The following KIRREL3 variants were observed in gnomAD, a reference collection of about 807,000 sequenced individuals.
The protein encoded by KIRREL3 is kin of IRRE-like protein 3.
KIRREL3 carries 36 observed loss-of-function variants against 89.7 expected under a neutral mutation model. The observed-to-expected ratio is 0.40, with a 90% confidence interval of 0.31 to 0.53. The LOEUF is 0.53. KIRREL3 is among the 20% of genes least tolerant of loss of function. KIRREL3 has a pLI of 0.49. For synonymous variants in KIRREL3, 445 were observed against 441.4 expected (o/e 1.01, Z -0.10); for missense variants, 864 against 1,056.6 (o/e 0.82, Z 2.53).
At chr11:126,846,807 AGTTAG>A (rs1944158716) in intron 1 of KIRREL3, among the ~76,000 whole-genome samples, 1 of 152,218 alleles carries the variant, frequency 6.6e-6, no homozygotes, top group Admixed American at 6.5e-5. Context: ...GATTGTTTTA[AGTTAG>A]ATAAGATAAA....
intron 1 of KIRREL3, among the ~76,000 whole-genome samples, chr11:126,882,695 C>T (rs1171325301): frequency 1.3e-5 from 2 of 152,196 alleles, no homozygotes; most frequent in East Asian, 1.9e-4. Flanking sequence ...TTCTCGACTG[C>T]CTAAAGTGCA....
chr11:126,510,469 C>CTTCCTTCCTTCCTTCCTTCCTT (rs1439371645), intron 4 of KIRREL3, among the ~76,000 whole-genome samples: 1 of 117,136 alleles, frequency 8.5e-6, no homozygotes, highest in African/African-American at 2.8e-5. Flanking sequence ...TCCTTCCTTC[C>CTTCCTTCCTTCCTTCCTTCCTT]TTTTTTTTGA....
intron 1 of KIRREL3, among the ~76,000 whole-genome samples, chr11:126,839,887 G>T (rs1943906065): frequency 6.6e-6 from 1 of 152,144 alleles, no homozygotes; most frequent in African/African-American, 2.4e-5. Context: ...CAAAATGCAA[G>T]CTGTCATGAA....
At chr11:126,648,706 G>C (rs1197253184) in intron 1 of KIRREL3, among the ~76,000 whole-genome samples, 1 of 152,180 alleles carries the variant, frequency 6.6e-6, no homozygotes, top group African/African-American at 2.4e-5. Context: ...TGTAATGAGT[G>C]CATGTAATAA....
In KIRREL3 at chr11:126,473,401, T is replaced by A; in HGVS notation, c.499A>T (p.Asn167Tyr). ...VISLRAGDPL[N>Y]LTCHADNAKP... The stretch of plus-strand genomic sequence containing the variant: ...GCATTGTCTGCGTGGCAGGTGAGGT[T>A]GAGAGGGTCCCCCGCACGCAGGCTG... The change falls in exon 5 of 17, where the codon AAC (asparagine) becomes TAC (tyrosine). Residue 167 changes from asparagine (N) to tyrosine (Y), a missense_variant. Coordinates refer to ENST00000525144, the MANE Select transcript of KIRREL3 (RefSeq NM_032531.4). 6.3e-7 allele frequency: 1 copy of A among 1,589,706 alleles called. No homozygotes were observed. Among genetic ancestry groups the A allele is most frequent in the Non-Finnish European group, 8.6e-7 (1 of 1,167,556 alleles).
chr11:126,533,808 C>A (rs189088197), intron 2 of KIRREL3, among the ~76,000 whole-genome samples: 179 of 152,302 alleles, frequency 1.2e-3, no homozygotes, highest in African/African-American at 4.2e-3. Flanking sequence ...ATAATACCAC[C>A]ACCTTGTGGA....
rs1943137950 is a variant in KIRREL3, at chr11:126,611,729, A to G, written c.56-48817T>C. On this transcript the variant is annotated intron_variant, in intron 1 of 16. Coordinates refer to ENST00000525144, the MANE Select transcript of KIRREL3 (RefSeq NM_032531.4). The surrounding 1 kb of genome is among the most constrained non-coding windows in gnomAD (Gnocchi z 4.7). ...GAGTCTTTTTCTGGCTGCCAAGAAC[A>G]TGGTAGCCTCCCAGAGGCTGTTGGC... is the stretch of plus-strand genomic sequence containing the variant. Among the ~76,000 whole-genome samples, 2 of 152,168 alleles carry G rather than the reference A, an allele frequency of 1.3e-5. No individual in the cohort carries two copies. The highest frequency in any genetic ancestry group is 4.8e-5 in the African/African-American group (2 of 41,436).
Position 126,566,084 on chromosome 11 carries a change from G to C in KIRREL3, c.56-3172C>G, listed in dbSNP as rs574874295. On this transcript the variant is annotated intron_variant, in intron 1 of 16. Transcript: ENST00000525144. The surrounding 1 kb of genome is among the most constrained non-coding windows in gnomAD (Gnocchi z 4.9). ...TCTCCAAGTAGGCTTTGGGGGTGCTGTCTTTGGCTTTATCAGTAGCAGAAA... is the reference window on the plus strand; with the variant it reads ...TCTCCAAGTAGGCTTTGGGGGTGCTCTCTTTGGCTTTATCAGTAGCAGAAA... 1.3e-5 allele frequency among the ~76,000 whole-genome samples: 2 copies of C among 152,134 alleles called. No homozygotes were observed. Among genetic ancestry groups the C allele is most frequent in the Non-Finnish European group, 2.9e-5 (2 of 68,024 alleles).
At chr11:126,785,454 CA>C (rs1950458127) in intron 1 of KIRREL3, among the ~76,000 whole-genome samples, 1 of 152,046 alleles carries the variant, frequency 6.6e-6, no homozygotes, top group African/African-American at 2.4e-5. Flanking sequence ...TGAAGCGTTC[CA>C]GGGGAGTGGG....
rs554105813 is a variant in KIRREL3, at chr11:126,627,538, C to G, written c.56-64626G>C. ...AGCAGCCTCCCTGGCTCCATGGTGACTGACGCTGCCAGTCCAGCTGCCATG... is the reference window on the plus strand; with the variant it reads ...AGCAGCCTCCCTGGCTCCATGGTGAGTGACGCTGCCAGTCCAGCTGCCATG... On this transcript the variant is annotated intron_variant, in intron 1 of 16. Transcript: ENST00000525144. The surrounding 1 kb of genome is among the most constrained non-coding windows in gnomAD (Gnocchi z 5.0). 6.6e-6 allele frequency among the ~76,000 whole-genome samples: 1 copy of G among 152,334 alleles called. No individual in the cohort carries two copies. The highest frequency in any genetic ancestry group is 1.9e-4 in the East Asian group (1 of 5,182).
At chr11:126,706,964 G>T in intron 1 of KIRREL3, among the ~76,000 whole-genome samples, 1 of 148,714 alleles carries the variant, frequency 6.7e-6, no homozygotes. Flanking sequence ...TTTAAGAGAT[G>T]GGGTCTCACT....
chr11:126,584,078 G>A (rs1427050065), intron 1 of KIRREL3, among the ~76,000 whole-genome samples: 1 of 152,182 alleles, frequency 6.6e-6, no homozygotes, highest in Non-Finnish European at 1.5e-5. Flanking sequence ...CTGCCCCTCA[G>A]GACTTCCAGG....
rs1397631501 is a variant in KIRREL3 at position 126,969,870 on chromosome 11, C to A, written c.55+30585G>T. On this transcript the variant is annotated intron_variant, in intron 1 of 16. Coordinates refer to ENST00000525144, the MANE Select transcript of KIRREL3 (RefSeq NM_032531.4). This position sits in a 1 kb window ranked among gnomAD's most constrained non-coding sequence, Gnocchi z 4.9. Reference sequence around the variant, plus strand: ...TTTCTCTCTACTCTGCATGGAAATGCAAAATGCTGGAGTCCAAACACATTC... The same window carrying A: ...TTTCTCTCTACTCTGCATGGAAATGAAAAATGCTGGAGTCCAAACACATTC... Among the ~76,000 whole-genome samples the A allele has an allele frequency of 6.6e-6, 1 of 152,178 alleles. No homozygotes were observed. Among genetic ancestry groups the A allele is most frequent in the Non-Finnish European group, 1.5e-5 (1 of 68,030 alleles).
intron 1 of KIRREL3, among the ~76,000 whole-genome samples, chr11:126,885,477 T>C (rs1320126929): frequency 6.6e-6 from 1 of 152,238 alleles, no homozygotes; most frequent in Non-Finnish European, 1.5e-5. Flanking sequence ...CAGATAATCC[T>C]GGAATCCCAG....
Position 126,525,569 on chromosome 11 carries a change from T to G in KIRREL3, c.283+969A>C, listed in dbSNP as rs1958724033. On this transcript the variant is annotated intron_variant, in intron 3 of 16. Coordinates refer to ENST00000525144, the MANE Select transcript of KIRREL3 (RefSeq NM_032531.4). The surrounding 1 kb of genome is among the most constrained non-coding windows in gnomAD (Gnocchi z 5.4). ...ATTTCCCAACCATCATGTTCCTGAGTGCACTTCGATTTTTATTTTCCTGCA... is the reference window on the plus strand; with the variant it reads ...ATTTCCCAACCATCATGTTCCTGAGGGCACTTCGATTTTTATTTTCCTGCA... Among the ~76,000 whole-genome samples the G allele has an allele frequency of 6.6e-6, 1 of 152,178 alleles. No individual in the cohort carries two copies. Among genetic ancestry groups the G allele is most frequent in the South Asian group, 2.1e-4 (1 of 4,822 alleles).
At chr11:126,434,242 C>G (rs1955237651) in intron 13 of KIRREL3, among the ~76,000 whole-genome samples, 1 of 152,232 alleles carries the variant, frequency 6.6e-6, no homozygotes, top group Non-Finnish European at 1.5e-5. Flanking sequence ...TCCCCTCCAT[C>G]CAAGGAGGTG....
intron 1 of KIRREL3, among the ~76,000 whole-genome samples, chr11:126,849,539 G>A (rs1208751455): frequency 6.6e-6 from 1 of 152,180 alleles, no homozygotes; most frequent in African/African-American, 2.4e-5. Flanking sequence ...GTTTGGGAAA[G>A]GAATGGGGTC....
At chr11:126,884,092 C>A (rs1038603897) in intron 1 of KIRREL3, among the ~76,000 whole-genome samples, 12 of 152,166 alleles carry the variant, frequency 7.9e-5, no homozygotes, top group African/African-American at 2.9e-4. Context: ...GATAAGTAAA[C>A]AAAATTGTTC....
rs1014974882 is a variant in KIRREL3 at position 126,708,606 on chromosome 11, G to A, written c.56-145694C>T. Among the ~76,000 whole-genome samples the A allele has an allele frequency of 1.3e-5, 2 of 152,118 alleles. No individual in the cohort carries two copies. Among genetic ancestry groups the A allele is most frequent in the Non-Finnish European group, 2.9e-5 (2 of 68,024 alleles). On this transcript the variant is annotated intron_variant, in intron 1 of 16. Transcript: ENST00000525144. The surrounding 1 kb of genome is among the most constrained non-coding windows in gnomAD (Gnocchi z 5.7). ...GGGTGGGGAAGGAAGGAGGGCGTTC[G>A]GCTCAACGTCCAGGAGAGGCACCGG...
Sources: gnomAD v4.1 joint callset for allele counts (sites outside exome capture counted in the v4.1 genomes callset) on GRCh38, gnomAD v4.1.1 for gene constraint, Gnocchi (gnomAD v3.1) non-coding constraint, MANE v1.5 for transcripts, NCBI Gene and HGNC (gene_info 2026-07-23, HGNC 2026-07-21) for gene names.